Variants in SLC17A1 observed in about 807,000 individuals in gnomAD.
SLC17A1 encodes the protein solute carrier family 17 member 1, also known as sodium-dependent phosphate transport protein 1.
In SLC17A1, 51 loss-of-function variants were observed where a neutral mutation model predicts 53.5. That is an observed-to-expected ratio of 0.95 (90% confidence interval 0.76 to 1.20). SLC17A1 has a LOEUF of 1.20. Among genes scored for constraint, SLC17A1 ranks in the 50% most tolerant of loss-of-function variants. The pLI is 0.00. For missense variants in SLC17A1, 538 were observed against 568.2 expected (o/e 0.95, Z 0.54); for synonymous variants, 179 against 198.8 (o/e 0.90, Z 0.84).
chr6:25,770,401 T>A, the SLC17A1 span: 5 of 1,614,012 alleles, frequency 3.1e-6, no homozygotes, highest in Non-Finnish European at 4.2e-6. Context: ...TATTAACTGG[T>A]CAGTATTCAA....
chr6:25,760,190 A>G, the SLC17A1 span, among the ~76,000 whole-genome samples: 2 of 152,244 alleles, frequency 1.3e-5, no homozygotes, highest in East Asian at 3.8e-4. Flanking sequence ...TGTCCTTGAT[A>G]GCAAAGCGAA....
At chr6:25,742,422 G>A in the SLC17A1 span, among the ~76,000 whole-genome samples, 1 of 151,474 alleles carries the variant, frequency 6.6e-6, no homozygotes, top group Non-Finnish European at 1.5e-5. Flanking sequence ...CATTTAGAGA[G>A]GTCAAGGAGG....
the SLC17A1 span, among the ~76,000 whole-genome samples, chr6:25,744,200 G>A: frequency 6.6e-6 from 1 of 152,184 alleles, no homozygotes; most frequent in Non-Finnish European, 1.5e-5. Flanking sequence ...AAGGAGATTG[G>A]AACCTCTAAT....
At chr6:25,731,808 A>T in the SLC17A1 span, 6 of 1,599,934 alleles carry the variant, frequency 3.8e-6, no homozygotes, top group African/African-American at 8.1e-5. Flanking sequence ...GTACTTGGTG[A>T]CAGCCTTGGT....
intron 3 of SLC17A1, among the ~76,000 whole-genome samples, chr6:25,821,195 G>A (rs997189857): frequency 6.6e-6 from 1 of 152,122 alleles, no homozygotes; most frequent in Non-Finnish European, 1.5e-5. Context: ...AAAATAGGTA[G>A]GAATCCATAT....
Position 25,798,893 on chromosome 6 carries a change from G to A in SLC17A1, c.1296C>T (p.Thr432=). 6.2e-7 allele frequency: 1 copy of A among 1,600,246 alleles called. No individual in the cohort carries two copies. Among genetic ancestry groups the A allele is most frequent in the East Asian group, 2.2e-5 (1 of 44,700 alleles). ...CATTAATGGCTGCCATCAGGATGAA[G>A]GTTTTAAACCAGGCGGATTCCGGAT... ...KQDPESAWFK[T]FILMAAINVT... The change falls in exon 12 of 13, where the codon ACC becomes ACT. Residue 432 remains threonine, a synonymous_variant. Coordinates refer to ENST00000244527, the MANE Select transcript of SLC17A1 (RefSeq NM_005074.5).
intron 10 of SLC17A1, among the ~76,000 whole-genome samples, chr6:25,801,490 G>A (rs1223237645): frequency 1.3e-5 from 2 of 152,142 alleles, no homozygotes; most frequent in East Asian, 1.9e-4. Context: ...AGCTACAAAC[G>A]CAGTGAAGCT....
rs1763672054 is a variant in SLC17A1 at position 25,798,990 on chromosome 6, T to C, written c.1270-71A>G. ...TTTTTGTTTTGTAATGTTTAAAATG[T>C]AATATTAAAAATGTAGACTCAAGTC... On this transcript the variant is annotated intron_variant, in intron 11 of 12. Transcript: ENST00000244527. The C allele has an allele frequency of 5.7e-6, 8 of 1,404,074 alleles. No homozygotes were observed. In the South Asian group the frequency reaches 9.6e-5, roughly 17 times the overall value. The allele number at this position is 1,404,074 out of a possible 1,614,324, so 87.0% of individuals were successfully genotyped here. A position where few individuals can be genotyped will look rare whatever the true frequency, so the allele number is the denominator to read the frequency against.
chr6:25,816,154 A>G (rs894182061), intron 6 of SLC17A1, among the ~76,000 whole-genome samples: 6 of 152,130 alleles, frequency 3.9e-5, no homozygotes, highest in African/African-American at 1.4e-4. Context: ...GAAAAAAATG[A>G]CCTGAAGAGT....
chr6:25,727,329 CT>C, the SLC17A1 span: 4 of 1,531,364 alleles, frequency 2.6e-6, no homozygotes, highest in African/African-American at 1.4e-5. Context: ...CCCAAAGGCT[CT>C]TTTCAGAGCC....
chr6:25,752,259 TAC>T, the SLC17A1 span, among the ~76,000 whole-genome samples: 1 of 152,228 alleles, frequency 6.6e-6, no homozygotes, highest in East Asian at 1.9e-4. Context: ...GCTCCTAGGC[TAC>T]AAACCTGTAC....
At chr6:25,814,964 C>T (rs1380105589) in intron 6 of SLC17A1, among the ~76,000 whole-genome samples, 1 of 148,248 alleles carries the variant, frequency 6.7e-6, no homozygotes, top group Non-Finnish European at 1.5e-5. Context: ...CCAGGCTGGC[C>T]GACAAAAGCA....
chr6:25,752,286 C>T, the SLC17A1 span, among the ~76,000 whole-genome samples: 1 of 152,190 alleles, frequency 6.6e-6, no homozygotes, highest in Non-Finnish European at 1.5e-5. Flanking sequence ...TGTTACTATA[C>T]TGAATATTGC....
chr6:25,811,531 C>G lies in SLC17A1; in HGVS notation c.1045G>C (p.Ala349Pro). 2 of 1,613,832 alleles carry G rather than the reference C, an allele frequency of 1.2e-6. No homozygotes were observed. Among genetic ancestry groups the G allele is most frequent in the Non-Finnish European group, 1.7e-6 (2 of 1,179,844 alleles). ...LFTAAGFLLP[A>P]IFGVCLPYLS... The stretch of plus-strand genomic sequence containing the variant: ...TAAGGCAGGCAGACACCAAAGATTG[C>G]AGGAAGGAGAAATCCTGGGGAGTGA... Residue 349 changes from alanine to proline, a missense_variant, in exon 10 of 13, where the codon GCA (alanine) becomes CCA (proline). Transcript: ENST00000244527.
chr6:25,742,639 A>C, the SLC17A1 span, among the ~76,000 whole-genome samples: 1 of 151,752 alleles, frequency 6.6e-6, no homozygotes, highest in Non-Finnish European at 1.5e-5. Flanking sequence ...ATGGTATAAT[A>C]TGTATGGTGG....
chr6:25,815,866 C>T (rs1764333932), intron 6 of SLC17A1, among the ~76,000 whole-genome samples: 1 of 151,556 alleles, frequency 6.6e-6, no homozygotes, highest in Non-Finnish European at 1.5e-5. Flanking sequence ...AGCAAGGGGA[C>T]CCCTGCCCTT....
chr6:25,828,983 C>T (rs1414004222), intron 2 of SLC17A1, among the ~76,000 whole-genome samples: 8 of 152,068 alleles, frequency 5.3e-5, no homozygotes, highest in African/African-American at 1.7e-4. Flanking sequence ...AACTGAGCTT[C>T]CGTTGTTAAA....
the SLC17A1 span, among the ~76,000 whole-genome samples, chr6:25,771,818 G>A: frequency 6.6e-6 from 1 of 152,212 alleles, no homozygotes; most frequent in African/African-American, 2.4e-5. Flanking sequence ...GTGAGGTTCA[G>A]AAGTGGACAT....
chr6:25,819,634 A>G (rs1764480519), intron 4 of SLC17A1, 36 bp from the exon 5 acceptor site: 1 of 1,611,606 alleles, frequency 6.2e-7, no homozygotes, highest in South Asian at 1.1e-5. Flanking sequence ...AATCTCTAAT[A>G]CTTCCTGTGA....
Sources: gnomAD v4.1 joint callset for allele counts (sites outside exome capture counted in the v4.1 genomes callset) on GRCh38, gnomAD v4.1.1 for gene constraint, MANE v1.5 for transcripts, NCBI Gene and HGNC (gene_info 2026-07-23, HGNC 2026-07-21) for gene names.